The following SLC29A4 variants were observed in gnomAD, a reference collection of about 807,000 sequenced individuals.
SLC29A4 encodes the protein equilibrative nucleoside transporter 4.
Under a neutral mutation model 43.9 loss-of-function variants are expected in SLC29A4, and 36 were observed. The observed-to-expected ratio is 0.82, with a 90% CI of 0.63 to 1.08. The LOEUF (loss-of-function observed/expected upper bound fraction) is 1.08, where lower values mean the gene tolerates loss of function less well. Among genes scored for constraint, SLC29A4 ranks in the 50% least tolerant of loss-of-function variants. SLC29A4 has a pLI of 0.00. For synonymous variants in SLC29A4, 491 were observed against 338.0 expected, an observed-to-expected ratio of 1.45 and a Z score of -4.97; for missense variants, 869 against 755.3, an observed-to-expected ratio of 1.15 and a Z score of -1.77.
At chr7:5,299,166 CCAGGCAGGGGGTGGGGGAGG>C (rs765925608) in intron 8 of SLC29A4, 40 bp downstream of exon 8, 16 of 1,599,912 alleles carry the variant, frequency 1.0e-5, no homozygotes, top group East Asian at 6.7e-5. Context: ...GCTCTGGCAC[CCAGGCAGGGGGTGGGGGAGG>C]CAGGCAGGGG....
chr7:5,287,440 AAGAC>A (rs1260110863), intron 1 of SLC29A4, among the ~76,000 whole-genome samples: 1 of 152,034 alleles, frequency 6.6e-6, no homozygotes, highest in African/African-American at 2.4e-5. Flanking sequence ...AAAGAAAAAA[AAGAC>A]ATACCAGGTG....
chr7:5,283,291 A>G (rs955682188), intron 1 of SLC29A4, among the ~76,000 whole-genome samples: 5 of 150,602 alleles, frequency 3.3e-5, no homozygotes, highest in Admixed American at 6.6e-5. Flanking sequence ...GCGGACCCGG[A>G]CCCCTGGGCC....
At chr7:5,291,987 C>T (rs1785339832) in intron 5 of SLC29A4, among the ~76,000 whole-genome samples, 166 bp downstream of exon 5, 1 of 152,248 alleles carries the variant, frequency 6.6e-6, no homozygotes, top group African/African-American at 2.4e-5. Context: ...CTCACACCCA[C>T]AGGAGCCTGT....
intron 3 of SLC29A4, 108 bp from the exon 4 acceptor site, chr7:5,291,016 C>T (rs1785269194): frequency 1.3e-6 from 2 of 1,528,482 alleles, no homozygotes; most frequent in Non-Finnish European, 1.8e-6. Context: ...TCAGGGCAGC[C>T]ACTCACCCTC....
At chr7:5,287,781 C>T (rs1315939874) in intron 1 of SLC29A4, 28 bp from the exon 2 acceptor site, 3 of 1,603,834 alleles carry the variant, frequency 1.9e-6, no homozygotes, top group Non-Finnish European at 2.5e-6. Context: ...TCTTCCCTCA[C>T]CTGCTCTCTC....
rs770396590 is a variant in SLC29A4, at chr7:5,287,913, C to G, written c.97C>G (p.Leu33Val). The part of the protein sequence containing the change: ...VMSFTFDSHQ[L>V]EEAAEAAQGQ... ...GAGCTTCACCTTCGACAGTCACCAG[C>G]TGGAGGAGGCGGCGGAGGCGGCTCA... Residue 33 changes from leucine to valine, a missense_variant, in exon 2 of 11, where the codon CTG (leucine) becomes GTG (valine). Physicochemically the swap from Leu to Val is conservative, Grantham distance 32. Transcript: ENST00000396872. 1.2e-6 allele frequency: 2 copies of G among 1,612,052 alleles called. No homozygotes were observed. The highest frequency in any genetic ancestry group is 8.5e-7 in the Non-Finnish European group (1 of 1,179,794).
rs764682838 is a variant in SLC29A4 at position 5,297,171 on chromosome 7, C to A, written c.855C>A (p.His285Gln). The part of the protein sequence containing the change: ...LGRGYGYRVH[H>Q]DVVAGDVHFE... ...GGGGCTATGGCTACCGCGTGCACCA[C>A]GACGTTGTCGCCGGGGACGTCCACT... is the stretch of plus-strand genomic sequence containing the variant. Residue 285 changes from histidine to glutamine, a missense_variant, in exon 7 of 11, where the codon CAC (histidine) becomes CAA (glutamine). Physicochemically the swap from His to Gln is conservative, Grantham distance 24. Coordinates refer to ENST00000396872, the MANE Select transcript of SLC29A4 (RefSeq NM_153247.4). The A allele has an allele frequency of 6.3e-7, 1 of 1,595,084 alleles. No homozygotes were observed. Among genetic ancestry groups the A allele is most frequent in the Middle Eastern group, 1.7e-4 (1 of 5,868 alleles).
intron 4 of SLC29A4, 76 bp from the exon 5 acceptor site, chr7:5,291,617 T>C: frequency 6.6e-7 from 1 of 1,511,268 alleles, no homozygotes; most frequent in Non-Finnish European, 9.0e-7. Context: ...AGAGCGACTC[T>C]GCAGGAGGGG....
At chr7:5,283,991 C>T (rs549256229) in intron 1 of SLC29A4, among the ~76,000 whole-genome samples, 1 of 150,068 alleles carries the variant, frequency 6.7e-6, no homozygotes, top group East Asian at 2.0e-4. Context: ...TGGGAGGAGC[C>T]GGAGGGGGTC....
chr7:5,292,690 C>CTTTTTTTTTTTTTTTTTTTTTTTTTTTTT (rs1056329272), intron 5 of SLC29A4, among the ~76,000 whole-genome samples: 1 of 67,412 alleles, frequency 1.5e-5, no homozygotes, highest in Non-Finnish European at 2.6e-5. Context: ...CATTTTTTTC[C>CTTTTTTTTTTTTTTTTTTTTTTTTTTTTT]TTTTTTTTTT....
At chr7:5,294,957 G>C (rs764790659) in intron 6 of SLC29A4, 23 bp downstream of exon 6, 41 of 1,591,446 alleles carry the variant, frequency 2.6e-5, no homozygotes, top group Middle Eastern at 3.4e-4. Context: ...AGACCCCCCG[G>C]GGAGGGGGTG....
At chr7:5,301,241 CAG>C (rs1786138622) in intron 10 of SLC29A4, among the ~76,000 whole-genome samples, 1 of 144,396 alleles carries the variant, frequency 6.9e-6, no homozygotes, top group Admixed American at 7.1e-5. Context: ...GCCTGGGTGA[CAG>C]AGCAAGATCC....
chr7:5,289,887 T>C (rs1429850471), intron 2 of SLC29A4, among the ~76,000 whole-genome samples: 1 of 151,946 alleles, frequency 6.6e-6, no homozygotes, highest in Admixed American at 6.6e-5. Context: ...ATCCTATAAT[T>C]TTATTTTTTA....
In SLC29A4 at chr7:5,290,909, A is replaced by T. The variant is rs759990625; in HGVS notation, c.301+46A>T. The T allele has an allele frequency of 7.6e-6, 12 of 1,576,898 alleles. No individual in the cohort carries two copies. In the East Asian group the frequency reaches 2.5e-4, roughly 33 times the overall value. On this transcript the variant is annotated intron_variant, in intron 3 of 10. Coordinates refer to ENST00000396872, the MANE Select transcript of SLC29A4 (RefSeq NM_153247.4). ...GCCCAGCCACTCAGCATCCTCCATC[A>T]TGGCCTGGGGCCTCCCAGAAACCCC...
At position 5,303,217 on chromosome 7, in the gene SLC29A4, G is replaced by A. The variant is rs1039588247; in HGVS notation, c.*278G>A. 12 of 527,950 alleles carry A rather than the reference G, an allele frequency of 2.3e-5. No individual in the cohort carries two copies. The highest frequency in any genetic ancestry group is 1.5e-4 in the African/African-American group (8 of 52,116). The allele number at this position is 527,950 out of a possible 1,614,324, so 32.7% of individuals were successfully genotyped here. A position where few individuals can be genotyped will look rare whatever the true frequency, so the allele number is the denominator to read the frequency against. On this transcript the variant is annotated 3_prime_UTR_variant, in exon 11 of 11. Transcript: ENST00000396872. ...CGTCTACCTTCCATCTGTGTCCAGC[G>A]GCCCCGGCTCCAGCCCAGCCAGCAC...
chr7:5,290,591 A>T, intron 2 of SLC29A4, 141 bp from the exon 3 acceptor site: 2 of 1,130,366 alleles, frequency 1.8e-6, no homozygotes, highest in Non-Finnish European at 2.4e-6. Context: ...TGACAGAGGT[A>T]TCTGGAACAG....
chr7:5,297,878 G>A (rs1785825062), intron 7 of SLC29A4, among the ~76,000 whole-genome samples: 1 of 152,146 alleles, frequency 6.6e-6, no homozygotes, highest in Admixed American at 6.5e-5. Context: ...CCCCTACGGG[G>A]TCCCCAGCAC....
Position 5,297,083 on chromosome 7 carries a change from G to T in SLC29A4, c.767G>T (p.Arg256Leu). Reference sequence around the variant, plus strand: ...CTGCACCTGTTAGTGCGGCGCAGCCGCTTCGTGCTCTTCTATACCACACGG... The same window carrying T: ...CTGCACCTGTTAGTGCGGCGCAGCCTCTTCGTGCTCTTCTATACCACACGG... ...FLLHLLVRRS[R>L]FVLFYTTRPR... is the part of the protein sequence containing the mutation. Residue 256 changes from arginine (R) to leucine (L), a missense_variant, in exon 7 of 11, where the codon CGC (arginine) becomes CTC (leucine). Arg to Leu is a moderately radical substitution (Grantham distance 102). Transcript: ENST00000396872. 1 of 1,607,870 alleles carries T rather than the reference G, an allele frequency of 6.2e-7. No individual in the cohort carries two copies. The highest frequency in any genetic ancestry group is 2.2e-5 in the East Asian group (1 of 44,866).
chr7:5,297,046 CTG>C lies in SLC29A4; in HGVS notation c.734_735del (p.Cys245PhefsTer22). On this transcript the variant is annotated frameshift_variant, in exon 7 of 11. Transcript: ENST00000396872. LOFTEE classifies it high-confidence loss of function. ...CCTGGTGTCGGTGGCGCTGGAGCTG[CTG>C]TGTTTCCTGCTGCACCTGTTAGTGC... ...FFLVSVALEL[L>X]CFLLHLLVRR... 1.2e-6 allele frequency: 2 copies of C among 1,607,548 alleles called. No homozygotes were observed. Among genetic ancestry groups the C allele is most frequent in the Non-Finnish European group, 1.7e-6 (2 of 1,179,786 alleles).
Sources: gnomAD v4.1 joint callset for allele counts (sites outside exome capture counted in the v4.1 genomes callset) on GRCh38, gnomAD v4.1.1 for gene constraint, MANE v1.5 for transcripts, NCBI Gene and HGNC (gene_info 2026-07-23, HGNC 2026-07-21) for gene names.